The following TENM3 variants were observed in gnomAD, a reference collection of about 807,000 sequenced individuals.
The protein encoded by TENM3 is teneurin transmembrane protein 3.
Under a neutral mutation model 255.1 loss-of-function variants are expected in TENM3, and 63 were observed. The observed-to-expected ratio is 0.25, with a 90% CI of 0.20 to 0.30. TENM3 has a LOEUF of 0.30. TENM3 is among the 10% of genes least tolerant of loss of function. The probability of loss-of-function intolerance (pLI) is 1.00; values close to 1 mark genes in which losing one functional copy is unlikely to be tolerated. For missense variants in TENM3, 2,929 were observed against 3,461.1 expected (o/e 0.85, Z 3.86); for synonymous variants, 1,306 against 1,322.3 (o/e 0.99, Z 0.27).
rs746908275 is a variant in TENM3 at position 182,680,668 on chromosome 4, G to A, written c.1765G>A (p.Gly589Ser). 1.2e-4 allele frequency: 191 copies of A among 1,606,778 alleles called. No homozygotes were observed. The highest frequency in any genetic ancestry group is 1.5e-4 in the Non-Finnish European group (181 of 1,177,630). The change falls in exon 10 of 28, where the codon GGT becomes AGT. Residue 589 changes from glycine (G) to serine (S), a missense_variant. By Grantham distance (56) the Gly-to-Ser change is moderately conservative. Transcript: ENST00000511685. ...TTQCIDPQCGGRGICIMGSCA... is the reference protein window; with the variant it reads ...TTQCIDPQCGSRGICIMGSCA... ...CCAGTGTATTGACCCACAGTGTGGG[G>A]GTCGTGGGATTTGTATCATGGGCTC... is the stretch of plus-strand genomic sequence containing the variant.
intron 1 of TENM3, among the ~76,000 whole-genome samples, chr4:182,256,056 G>C (rs1758372224): frequency 6.6e-6 from 1 of 152,132 alleles, no homozygotes; most frequent in African/African-American, 2.4e-5. Flanking sequence ...TCTGCCAAGG[G>C]CCCTGCCCAC....
At chr4:182,363,015 A>T (rs1766138222) in intron 3 of TENM3, among the ~76,000 whole-genome samples, 1 of 152,222 alleles carries the variant, frequency 6.6e-6, no homozygotes, top group African/African-American at 2.4e-5. Context: ...ATTTTAAGTC[A>T]GTGTAGTATA....
At chr4:182,501,377 G>T (rs987396774) in intron 3 of TENM3, among the ~76,000 whole-genome samples, 1 of 148,646 alleles carries the variant, frequency 6.7e-6, no homozygotes, top group African/African-American at 2.5e-5. Flanking sequence ...TAAAAGTGGG[G>T]GGGGGGGTTG....
chr4:182,126,350 A>G, the TENM3 span, among the ~76,000 whole-genome samples: 8 of 152,202 alleles, frequency 5.3e-5, no homozygotes, highest in African/African-American at 1.9e-4. Context: ...GGCTAAACCC[A>G]TTTCCACCTG....
rs189169005 is a variant in TENM3, at chr4:182,761,149, C to T, written c.4892+5890C>T. Among the ~76,000 whole-genome samples the T allele has an allele frequency of 4.3e-3, 661 of 152,140 alleles. 3 individuals carry two copies. The highest frequency in any genetic ancestry group is 0.015 in the African/African-American group (620 of 41,494). Reference sequence around the variant, plus strand: ...TATAGAGGTTATCGGCTGGGCACGGCGGCTCACATCTGTAATCCCAGCACT... The same window carrying T: ...TATAGAGGTTATCGGCTGGGCACGGTGGCTCACATCTGTAATCCCAGCACT... On this transcript the variant is annotated intron_variant, in intron 22 of 27. Transcript: ENST00000511685.
chr4:182,764,779 T>C (rs982735205), intron 22 of TENM3, among the ~76,000 whole-genome samples: 1 of 152,184 alleles, frequency 6.6e-6, no homozygotes, highest in African/African-American at 2.4e-5. Flanking sequence ...AGAGCTGGAC[T>C]GCGTGGATCT....
Position 182,732,545 on chromosome 4 carries a change from G to T in TENM3, c.2967+1406G>T, listed in dbSNP as rs114545786. On this transcript the variant is annotated intron_variant, in intron 16 of 27. Transcript: ENST00000511685. ...GTTAGGTGTAATAATAATGGATTTT[G>T]CCAGGCGGCGTGGCTCACTACTATA... 6.7e-3 allele frequency among the ~76,000 whole-genome samples: 1,019 copies of T among 152,332 alleles called. 6 individuals carry two copies. Among genetic ancestry groups the T allele is most frequent in the Non-Finnish European group, 0.011 (747 of 68,030 alleles).
the TENM3 span, among the ~76,000 whole-genome samples, chr4:181,904,270 C>A: frequency 6.6e-6 from 1 of 152,044 alleles, no homozygotes; most frequent in Non-Finnish European, 1.5e-5. Flanking sequence ...CTGACTCTCT[C>A]GTGCTTCTTC....
chr4:181,940,958 A>G, the TENM3 span, among the ~76,000 whole-genome samples: 1 of 152,228 alleles, frequency 6.6e-6, no homozygotes. Context: ...ACCCATCTGA[A>G]TTTCCAGATG....
the TENM3 span, among the ~76,000 whole-genome samples, chr4:182,132,730 T>C: frequency 6.6e-6 from 1 of 152,196 alleles, no homozygotes; most frequent in Non-Finnish European, 1.5e-5. Flanking sequence ...TAAACTCTAG[T>C]TCATAGTTCT....
At chr4:181,703,759 T>C in the TENM3 span, among the ~76,000 whole-genome samples, 2 of 152,060 alleles carry the variant, frequency 1.3e-5, no homozygotes, top group African/African-American at 2.4e-5. Flanking sequence ...CCAGGACTTA[T>C]CTTCCTTCCT....
chr4:181,657,951 A>C, the TENM3 span, among the ~76,000 whole-genome samples: 2 of 152,206 alleles, frequency 1.3e-5, no homozygotes, highest in Admixed American at 1.3e-4. Context: ...ACACATGGAC[A>C]TAAAGATGGG....
At chr4:181,543,773 CCCA>C in the TENM3 span, among the ~76,000 whole-genome samples, 1 of 152,280 alleles carries the variant, frequency 6.6e-6, no homozygotes, top group South Asian at 2.1e-4. Context: ...GCTGATGAAG[CCCA>C]AGGGCCACTG....
At chr4:182,735,947 T>C (rs996771219) in intron 16 of TENM3, among the ~76,000 whole-genome samples, 2 of 152,206 alleles carry the variant, frequency 1.3e-5, no homozygotes, top group African/African-American at 4.8e-5. Flanking sequence ...GTAAAGGAGA[T>C]AATTCTTATG....
chr4:181,780,876 G>A, the TENM3 span, among the ~76,000 whole-genome samples: 1 of 152,124 alleles, frequency 6.6e-6, no homozygotes, highest in Non-Finnish European at 1.5e-5. Flanking sequence ...TATTAAATAG[G>A]GAATCCTTTC....
intron 24 of TENM3, among the ~76,000 whole-genome samples, chr4:182,778,945 T>C (rs902668659): frequency 5.9e-5 from 8 of 136,744 alleles, no homozygotes; most frequent in African/African-American, 9.9e-5. Context: ...TATATTTTTT[T>C]CTTTTTTTTT....
At chr4:181,681,023 G>A in the TENM3 span, among the ~76,000 whole-genome samples, 1 of 152,006 alleles carries the variant, frequency 6.6e-6, no homozygotes. Flanking sequence ...ATAGGAAACT[G>A]TATATGTGGA....
At chr4:182,303,016 T>C (rs1252573475) in intron 1 of TENM3, among the ~76,000 whole-genome samples, 7 of 152,188 alleles carry the variant, frequency 4.6e-5, no homozygotes, top group Non-Finnish European at 8.8e-5. Flanking sequence ...ATCACTCTTA[T>C]ATGCTTTCTG....
intron 3 of TENM3, among the ~76,000 whole-genome samples, chr4:182,444,950 G>A (rs1201827458): frequency 1.3e-5 from 2 of 152,112 alleles, no homozygotes; most frequent in African/African-American, 4.8e-5. Context: ...TGGGATTACA[G>A]GGGGATGCCA....
Sources: gnomAD v4.1 joint callset for allele counts (sites outside exome capture counted in the v4.1 genomes callset) on GRCh38, gnomAD v4.1.1 for gene constraint, MANE v1.5 for transcripts, NCBI Gene and HGNC (gene_info 2026-07-23, HGNC 2026-07-21) for gene names.